TRPC1: variants seen among roughly 807,000 people sequenced by gnomAD.
TRPC1 encodes the protein transient receptor potential cation channel subfamily C member 1.
TRPC1 carries 42 observed loss-of-function variants against 88.2 expected under a neutral mutation model. The ratio of observed to expected loss-of-function variants is 0.48; its 90% CI spans 0.37 to 0.62. The LOEUF is 0.62. Among genes scored for constraint, TRPC1 ranks in the 20% least tolerant of loss-of-function variants. The pLI, the probability that TRPC1 is intolerant of heterozygous loss-of-function variation, is 0.00. For missense variants in TRPC1, 699 were observed against 957.3 expected (o/e 0.73, Z 3.56); for synonymous variants, 288 against 331.8 (o/e 0.87, Z 1.43).
At chr3:142,805,475 T>C (rs1001007080) in intron 12 of TRPC1, among the ~76,000 whole-genome samples, 1 of 149,184 alleles carries the variant, frequency 6.7e-6, no homozygotes, top group Non-Finnish European at 1.5e-5. Flanking sequence ...ATCAGAGATA[T>C]TGTAAGCAGT....
chr3:142,731,388 T>C (rs1421352501), intron 1 of TRPC1, among the ~76,000 whole-genome samples: 2 of 137,680 alleles, frequency 1.5e-5, no homozygotes. Context: ...TTTTTTTTTT[T>C]TTTTTTTTTT....
At chr3:142,765,966 C>T (rs1322166672) in intron 4 of TRPC1, among the ~76,000 whole-genome samples, 1 of 151,704 alleles carries the variant, frequency 6.6e-6, no homozygotes, top group Non-Finnish European at 1.5e-5. Flanking sequence ...TATCACTGAT[C>T]ATTAGGGAAA....
At position 142,776,913 on chromosome 3, in the gene TRPC1, A is replaced by G. The variant is rs1191591724; in HGVS notation, c.633-719A>G. Among the ~76,000 whole-genome samples, 3 of 150,504 alleles carry G rather than the reference A, an allele frequency of 2.0e-5. No individual in the cohort carries two copies. The highest frequency in any genetic ancestry group is 7.5e-5 in the African/African-American group (3 of 40,148). On this transcript the variant is annotated intron_variant, in intron 4 of 12. Coordinates refer to ENST00000476941, the MANE Select transcript of TRPC1 (RefSeq NM_001251845.2). The surrounding 1 kb of genome is among the most constrained non-coding windows in gnomAD (Gnocchi z 4.1). ...TGAGACTCCATCTCAAAAAAAAAAG[A>G]AAAAAAAAGTATTTTTATTACTGAG...
intron 1 of TRPC1, among the ~76,000 whole-genome samples, chr3:142,727,291 A>C (rs1357208954): frequency 1.3e-5 from 2 of 150,990 alleles, no homozygotes; most frequent in African/African-American, 4.9e-5. Context: ...TTCATGTAGC[A>C]TTCTTGTTGT....
intron 2 of TRPC1, among the ~76,000 whole-genome samples, chr3:142,738,535 C>T (rs1313281241): frequency 6.6e-6 from 1 of 152,086 alleles, no homozygotes; most frequent in African/African-American, 2.4e-5. Flanking sequence ...ATCAGTGGTT[C>T]TCAACCAAAT....
intron 5 of TRPC1, among the ~76,000 whole-genome samples, chr3:142,780,033 G>A (rs1474475876): frequency 1.3e-5 from 2 of 152,080 alleles, no homozygotes; most frequent in Non-Finnish European, 2.9e-5. Context: ...TTTTTTAGTA[G>A]AGACAGGGTT....
intron 4 of TRPC1, among the ~76,000 whole-genome samples, chr3:142,774,410 C>T (rs1041375522): frequency 6.6e-6 from 1 of 152,212 alleles, no homozygotes; most frequent in African/African-American, 2.4e-5. Context: ...TCTTGCAAAA[C>T]TGCAAGTTTT....
At chr3:142,755,608 G>A (rs549242592) in intron 4 of TRPC1, among the ~76,000 whole-genome samples, 1 of 152,020 alleles carries the variant, frequency 6.6e-6, no homozygotes, top group African/African-American at 2.4e-5. Flanking sequence ...ATTTACTCCA[G>A]TTCTTTTTAT....
At chr3:142,748,578 A>G in intron 4 of TRPC1, 118 bp downstream of exon 4, 2 of 1,012,812 alleles carry the variant, frequency 2.0e-6, no homozygotes, top group South Asian at 1.6e-5. Flanking sequence ...GTGACTTATG[A>G]AAGCCAAACT....
intron 2 of TRPC1, among the ~76,000 whole-genome samples, chr3:142,741,626 T>G (rs576565329): frequency 1.3e-5 from 2 of 148,758 alleles, no homozygotes; most frequent in South Asian, 4.4e-4. Context: ...AATCTTGCTA[T>G]TCTTTTATTC....
At chr3:142,740,281 A>C (rs1281355513) in intron 2 of TRPC1, among the ~76,000 whole-genome samples, 2 of 152,246 alleles carry the variant, frequency 1.3e-5, no homozygotes, top group Non-Finnish European at 2.9e-5. Flanking sequence ...GACTAAGAGA[A>C]GGAAGAAAGG....
chr3:142,781,738 A>T (rs1935964542), intron 6 of TRPC1, among the ~76,000 whole-genome samples: 1 of 152,158 alleles, frequency 6.6e-6, no homozygotes, highest in African/African-American at 2.4e-5. Flanking sequence ...TCATATGTAG[A>T]TAATAATAAT....
intron 8 of TRPC1, among the ~76,000 whole-genome samples, chr3:142,791,373 A>T (rs1240569804): frequency 1.3e-5 from 2 of 152,090 alleles, no homozygotes; most frequent in Non-Finnish European, 2.9e-5. Flanking sequence ...TATAACAGGG[A>T]CCATAGTTCA....
chr3:142,804,888 T>G (rs1936740606), intron 12 of TRPC1, among the ~76,000 whole-genome samples: 1 of 152,044 alleles, frequency 6.6e-6, no homozygotes. Context: ...AAGCACATCA[T>G]CACTTGAGGT....
intron 7 of TRPC1, among the ~76,000 whole-genome samples, chr3:142,785,880 C>T (rs1271495061): frequency 6.6e-6 from 1 of 152,076 alleles, no homozygotes; most frequent in Non-Finnish European, 1.5e-5. Context: ...TAAAGGAGTC[C>T]CTGGTGACTC....
chr3:142,769,922 A>G (rs929722183), intron 4 of TRPC1, among the ~76,000 whole-genome samples: 4 of 151,834 alleles, frequency 2.6e-5, no homozygotes, highest in African/African-American at 4.8e-5. Flanking sequence ...TAAGTCTTCT[A>G]TTTCCTTGTT....
At chr3:142,726,938 G>A (rs1292066099) in intron 1 of TRPC1, among the ~76,000 whole-genome samples, 1 of 152,148 alleles carries the variant, frequency 6.6e-6, no homozygotes, top group African/African-American at 2.4e-5. Context: ...ATTTGTAGAT[G>A]AGGAAAATGA....
In TRPC1 at chr3:142,806,300, T is replaced by G. The variant is rs1054367479; in HGVS notation, c.*65T>G. The G allele has an allele frequency of 1.5e-5, 18 of 1,239,498 alleles. No individual in the cohort carries two copies. In the African/African-American group the frequency reaches 2.6e-4, roughly 18 times the overall value. 76.8% of individuals were successfully genotyped at this position (1,239,498 alleles called of 1,614,324 possible). ...GATCCAAAAGACTATATTGCATAAC[T>G]TGCAATGAAATTAATGAGATATATA... On this transcript the variant is annotated 3_prime_UTR_variant, in exon 13 of 13. Coordinates refer to ENST00000476941, the MANE Select transcript of TRPC1 (RefSeq NM_001251845.2).
chr3:142,746,165 C>G lies in TRPC1; in HGVS notation c.430-2093C>G, dbSNP rs531993659. Among the ~76,000 whole-genome samples, 40 of 152,202 alleles carry G rather than the reference C, an allele frequency of 2.6e-4. No individual in the cohort carries two copies. The South Asian group carries it at 7.7e-3, about 29-fold the overall frequency. On this transcript the variant is annotated intron_variant, in intron 3 of 12. Coordinates refer to ENST00000476941, the MANE Select transcript of TRPC1 (RefSeq NM_001251845.2). Reference sequence around the variant, plus strand: ...AGAAGAAAAATATTGTTTCTTTTAGCGTTTCAGTAATGGTAATATTCTTTT... The same window carrying G: ...AGAAGAAAAATATTGTTTCTTTTAGGGTTTCAGTAATGGTAATATTCTTTT...
Sources: allele counts gnomAD v4.1 joint callset (sites outside exome capture counted in the v4.1 genomes callset), GRCh38; gene constraint gnomAD v4.1.1; non-coding constraint Gnocchi (gnomAD v3.1); transcripts MANE v1.5; gene names NCBI Gene and HGNC (gene_info 2026-07-23, HGNC 2026-07-21).